The following CDH4 variants were observed in gnomAD, a reference collection of about 807,000 sequenced individuals.
CDH4 encodes the protein cadherin 4, also known as cadherin-4.
CDH4 carries 33 observed loss-of-function variants against 86.0 expected under a neutral mutation model. The ratio of observed to expected loss-of-function variants is 0.38; its 90% confidence interval spans 0.29 to 0.51. CDH4 has a LOEUF of 0.51. CDH4 is among the 20% of genes least tolerant of loss of function. The pLI is 0.86. For synonymous variants in CDH4, 555 were observed against 549.4 expected (o/e 1.01, Z -0.14); for missense variants, 1,114 against 1,307.4 (o/e 0.85, Z 2.28).
intron 8 of CDH4, among the ~76,000 whole-genome samples, chr20:61,899,757 A>G (rs1985299575): frequency 6.6e-6 from 1 of 152,182 alleles, no homozygotes; most frequent in Admixed American, 6.5e-5. Flanking sequence ...TAAAGAGGGA[A>G]GGGAGTCGTG....
At chr20:61,898,819 T>A (rs554615628) in intron 8 of CDH4, among the ~76,000 whole-genome samples, 3 of 152,162 alleles carry the variant, frequency 2.0e-5, no homozygotes, top group Non-Finnish European at 4.4e-5. Flanking sequence ...GCAATATAAA[T>A]CTGCTCTAAA....
At chr20:61,537,259 G>T (rs1307326513) in intron 2 of CDH4, among the ~76,000 whole-genome samples, 1 of 145,950 alleles carries the variant, frequency 6.9e-6, no homozygotes, top group Non-Finnish European at 1.5e-5. Context: ...GCCCCTTAGA[G>T]GTCTAATATT....
intron 2 of CDH4, among the ~76,000 whole-genome samples, chr20:61,330,492 G>C (rs1230609058): frequency 1.3e-5 from 2 of 152,230 alleles, no homozygotes; most frequent in Non-Finnish European, 2.9e-5. Flanking sequence ...GTTGTCCCTT[G>C]TGATGGTTTG....
intron 2 of CDH4, among the ~76,000 whole-genome samples, chr20:61,302,673 A>G (rs1049874894): frequency 2.0e-5 from 3 of 152,106 alleles, no homozygotes; most frequent in African/African-American, 2.4e-5. Context: ...GGTCTGTGTG[A>G]GACACACCTG....
intron 2 of CDH4, among the ~76,000 whole-genome samples, chr20:61,383,702 G>A (rs1166307666): frequency 1.6e-5 from 1 of 62,400 alleles, no homozygotes; most frequent in African/African-American, 5.1e-5. Flanking sequence ...TGATATATAT[G>A]AATGTATATG....
chr20:61,846,385 G>C lies in CDH4; in HGVS notation c.732+1562G>C, dbSNP rs552589596. Among the ~76,000 whole-genome samples, 10 of 152,340 alleles carry C rather than the reference G, an allele frequency of 6.6e-5. No homozygotes were observed. In the South Asian group the frequency reaches 2.1e-3, roughly 32 times the overall value. On this transcript the variant is annotated intron_variant, in intron 5 of 15. Coordinates refer to ENST00000614565, the MANE Select transcript of CDH4 (RefSeq NM_001794.5). The stretch of plus-strand genomic sequence containing the variant: ...AGACAGGCCCTCAGCATGGCTGCTG[G>C]CTCCCAAAACGGGCTTTGGGCTGCC...
intron 4 of CDH4, among the ~76,000 whole-genome samples, chr20:61,814,984 A>C (rs1250742873): frequency 6.6e-6 from 1 of 152,132 alleles, no homozygotes; most frequent in Non-Finnish European, 1.5e-5. Flanking sequence ...ATAGGTGCTG[A>C]GGTTGGGAGG....
chr20:61,516,209 C>T lies in CDH4; in HGVS notation c.170-227354C>T, dbSNP rs1466650106. On this transcript the variant is annotated intron_variant, in intron 2 of 15. Coordinates refer to ENST00000614565, the MANE Select transcript of CDH4 (RefSeq NM_001794.5). The surrounding 1 kb of genome is among the most constrained non-coding windows in gnomAD (Gnocchi z 4.0). Reference sequence around the variant, plus strand: ...ACCTCTCTTACCCTAGAAGCTGCGGCAGGTGTCCGCCCTGGGGACTAAGCA... The same window carrying T: ...ACCTCTCTTACCCTAGAAGCTGCGGTAGGTGTCCGCCCTGGGGACTAAGCA... Among the ~76,000 whole-genome samples the T allele has an allele frequency of 6.6e-6, 1 of 152,194 alleles. No individual in the cohort carries two copies. The highest frequency in any genetic ancestry group is 2.4e-5 in the African/African-American group (1 of 41,446).
At chr20:61,609,960 A>G (rs1206633359) in intron 2 of CDH4, among the ~76,000 whole-genome samples, 1 of 152,224 alleles carries the variant, frequency 6.6e-6, no homozygotes. Flanking sequence ...CGGGGTACCC[A>G]TCACCTCAAA....
chr20:61,626,059 G>A (rs529034156), intron 2 of CDH4, among the ~76,000 whole-genome samples: 10 of 152,366 alleles, frequency 6.6e-5, no homozygotes, highest in African/African-American at 2.4e-4. Flanking sequence ...CTTAGCCCCT[G>A]CAATATTTGA....
chr20:61,678,251 AGATGGAT>A (rs951341513), intron 2 of CDH4, among the ~76,000 whole-genome samples: 3 of 152,136 alleles, frequency 2.0e-5, no homozygotes, highest in African/African-American at 7.2e-5. Context: ...ATGGATAGAT[AGATGGAT>A]GATAGATGAT....
chr20:61,526,337 G>A (rs942459534), intron 2 of CDH4, among the ~76,000 whole-genome samples: 4 of 152,030 alleles, frequency 2.6e-5, no homozygotes, highest in Non-Finnish European at 5.9e-5. Context: ...TCTAAAACAC[G>A]AGTCCCCCAC....
intron 2 of CDH4, among the ~76,000 whole-genome samples, chr20:61,270,185 G>C (rs371504174): frequency 1.4e-4 from 21 of 152,214 alleles, no homozygotes; most frequent in Admixed American, 2.6e-4. Context: ...GGCAGTGAAC[G>C]TAAGTTACCG....
intron 13 of CDH4, among the ~76,000 whole-genome samples, chr20:61,930,815 G>A (rs889007604): frequency 2.0e-5 from 3 of 152,214 alleles, no homozygotes; most frequent in Non-Finnish European, 2.9e-5. Flanking sequence ...CAGAGGTTGG[G>A]AGGTGTCTCT....
At chr20:61,383,820 CGT>C (rs2084935456) in intron 2 of CDH4, among the ~76,000 whole-genome samples, 1 of 85,410 alleles carries the variant, frequency 1.2e-5, no homozygotes, top group Non-Finnish European at 2.4e-5. Flanking sequence ...GATATATATG[CGT>C]ATATATGAAG....
intron 9 of CDH4, among the ~76,000 whole-genome samples, chr20:61,916,710 C>T (rs1040377513): frequency 6.6e-6 from 1 of 152,214 alleles, no homozygotes; most frequent in South Asian, 2.1e-4. Context: ...CAGACCTGAC[C>T]AGGTCACTGC....
chr20:61,339,876 T>C (rs2084640834), intron 2 of CDH4, among the ~76,000 whole-genome samples: 1 of 152,212 alleles, frequency 6.6e-6, no homozygotes, highest in African/African-American at 2.4e-5. Flanking sequence ...CAGTGTGCCC[T>C]ATAGAGCAAC....
chr20:61,671,638 T>C (rs1600859918), intron 2 of CDH4, among the ~76,000 whole-genome samples: 1 of 142,384 alleles, frequency 7.0e-6, no homozygotes, highest in Non-Finnish European at 1.5e-5. Flanking sequence ...TGTAGATGAG[T>C]GGATAGATGG....
intron 9 of CDH4, among the ~76,000 whole-genome samples, chr20:61,911,597 C>T (rs567191917): frequency 1.3e-5 from 2 of 152,104 alleles, no homozygotes; most frequent in South Asian, 2.1e-4. Context: ...TCTGCCGAAG[C>T]GTAAGGAAAA....
Sources: gnomAD v4.1 joint callset for allele counts (sites outside exome capture counted in the v4.1 genomes callset) on GRCh38, gnomAD v4.1.1 for gene constraint, Gnocchi (gnomAD v3.1) non-coding constraint, MANE v1.5 for transcripts, NCBI Gene and HGNC (gene_info 2026-07-23, HGNC 2026-07-21) for gene names.